Variants in SNX29 observed in about 807,000 individuals in gnomAD.
The protein encoded by SNX29 is sorting nexin 29, also known as sorting nexin-29.
In SNX29, 78 loss-of-function variants were observed where a neutral mutation model predicts 102.1. The ratio of observed to expected loss-of-function variants is 0.76; its 90% CI spans 0.64 to 0.92. The LOEUF (loss-of-function observed/expected upper bound fraction) is 0.92, where lower values mean the gene tolerates loss of function less well. Ranked by LOEUF, SNX29 falls within the 40% of genes least tolerant of loss-of-function variation. The pLI is 0.00. For missense variants in SNX29, 1,280 were observed against 1,061.7 expected (o/e 1.21, Z -2.86); for synonymous variants, 580 against 414.5 (o/e 1.40, Z -4.85).
chr16:12,212,847 C>T (rs2077223174), intron 14 of SNX29, among the ~76,000 whole-genome samples: 1 of 152,210 alleles, frequency 6.6e-6, no homozygotes, highest in Non-Finnish European at 1.5e-5. Flanking sequence ...GGCGCTGTGG[C>T]TCATGCCGGT....
chr16:11,997,376 G>A lies in SNX29; in HGVS notation c.8-1921G>A, dbSNP rs150369989. The stretch of plus-strand genomic sequence containing the variant: ...CAGAGAGGCCCTCAGTGGCTGCCTT[G>A]GCTAAAGCAGCCTTCTTGCTTCCTC... On this transcript the variant is annotated intron_variant, in intron 1 of 20. Transcript: ENST00000566228. Among the ~76,000 whole-genome samples, 1,203 of 152,218 alleles carry A rather than the reference G, an allele frequency of 7.9e-3. 10 individuals are homozygous for A. Among genetic ancestry groups the A allele is most frequent in the Non-Finnish European group, 0.012 (801 of 68,002 alleles).
intron 18 of SNX29, among the ~76,000 whole-genome samples, chr16:12,435,955 C>A (rs1348025719): frequency 1.3e-5 from 2 of 152,174 alleles, no homozygotes; most frequent in Non-Finnish European, 2.9e-5. Context: ...ACGTGCCGCG[C>A]GTTACTTCCC....
At chr16:12,527,293 C>T (rs1040998651) in intron 20 of SNX29, 3 of 531,858 alleles carry the variant, frequency 5.6e-6, no homozygotes, top group African/African-American at 3.7e-5. Flanking sequence ...CCATGTGCTG[C>T]CCACAGAAAG....
intron 3 of SNX29, among the ~76,000 whole-genome samples, chr16:12,007,053 T>A (rs2056478972): frequency 6.7e-6 from 1 of 148,682 alleles, no homozygotes; most frequent in Admixed American, 6.6e-5. Context: ...ACTAAATGGT[T>A]TTTGAGGCTG....
At chr16:12,537,747 C>G (rs191950081) in intron 20 of SNX29, among the ~76,000 whole-genome samples, 44 of 152,176 alleles carry the variant, frequency 2.9e-4, no homozygotes, top group Non-Finnish European at 5.4e-4. Context: ...ACAATGACCT[C>G]TATCCTATGT....
At chr16:12,546,604 G>C (rs923219092) in intron 20 of SNX29, 2 of 152,224 alleles carry the variant, frequency 1.3e-5, no homozygotes, top group South Asian at 2.1e-4. Context: ...TAATACAGGT[G>C]GAACATAAAT....
At chr16:12,277,236 A>G (rs1346235666) in intron 14 of SNX29, among the ~76,000 whole-genome samples, 3 of 152,142 alleles carry the variant, frequency 2.0e-5, no homozygotes, top group African/African-American at 7.2e-5. Context: ...AAAACTAAAA[A>G]AACAAAAAAA....
chr16:12,441,379 C>T (rs913112489), intron 18 of SNX29, among the ~76,000 whole-genome samples: 16 of 152,138 alleles, frequency 1.1e-4, no homozygotes, highest in Non-Finnish European at 1.6e-4. Flanking sequence ...TGAGCCACCA[C>T]GCCTGGCCTA....
At chr16:11,994,585 T>C (rs1486002571) in intron 1 of SNX29, among the ~76,000 whole-genome samples, 1 of 152,232 alleles carries the variant, frequency 6.6e-6, no homozygotes, top group Non-Finnish European at 1.5e-5. Flanking sequence ...TCTTTTCCTC[T>C]CTGAGTCACA....
At chr16:12,055,131 G>A (rs905120783) in intron 8 of SNX29, among the ~76,000 whole-genome samples, 3 of 152,044 alleles carry the variant, frequency 2.0e-5, no homozygotes, top group Non-Finnish European at 4.4e-5. Context: ...GTGTGTGGAT[G>A]TGTGTAGTTC....
chr16:12,084,169 G>T (rs1390507342), intron 11 of SNX29, among the ~76,000 whole-genome samples: 1 of 151,344 alleles, frequency 6.6e-6, no homozygotes, highest in Non-Finnish European at 1.5e-5. Context: ...TTTTGAGACG[G>T]AGTGTTGCTC....
At chr16:12,423,369 G>C (rs967473738) in intron 18 of SNX29, among the ~76,000 whole-genome samples, 1 of 152,060 alleles carries the variant, frequency 6.6e-6, no homozygotes, top group African/African-American at 2.4e-5. Context: ...TGAACATCGG[G>C]CATGAGCAAT....
chr16:12,147,018 G>A (rs755890618), intron 13 of SNX29, among the ~76,000 whole-genome samples: 2 of 152,220 alleles, frequency 1.3e-5, no homozygotes, highest in Non-Finnish European at 2.9e-5. Flanking sequence ...CCATGTGCTT[G>A]TTTATTTTCT....
At chr16:12,326,210 C>A (rs1213692810) in intron 15 of SNX29, among the ~76,000 whole-genome samples, 2 of 151,916 alleles carry the variant, frequency 1.3e-5, no homozygotes, top group African/African-American at 4.8e-5. Flanking sequence ...TGGGGTTTCG[C>A]CATGTTGGCC....
At chr16:12,137,419 C>A (rs1233244253) in intron 13 of SNX29, among the ~76,000 whole-genome samples, 1 of 152,194 alleles carries the variant, frequency 6.6e-6, no homozygotes, top group African/African-American at 2.4e-5. Flanking sequence ...TGTTATTTTT[C>A]CAGCCCTGCC....
At chr16:12,301,348 G>C (rs751532401) in intron 15 of SNX29, among the ~76,000 whole-genome samples, 13 of 152,082 alleles carry the variant, frequency 8.5e-5, no homozygotes, top group Non-Finnish European at 1.8e-4. Context: ...CACACTCCTC[G>C]TTCTACTCTC....
chr16:12,568,256 G>C (rs974068185), intron 20 of SNX29, among the ~76,000 whole-genome samples: 2 of 150,030 alleles, frequency 1.3e-5, no homozygotes, highest in East Asian at 4.0e-4. Flanking sequence ...GGTACCATGA[G>C]CTAGCTCAGA....
chr16:12,457,694 G>A (rs6498301), intron 18 of SNX29, among the ~76,000 whole-genome samples: 105,825 of 152,136 alleles, frequency 0.7, 38,036 homozygotes, highest in African/African-American at 0.89. Context: ...GTTAGCCTCT[G>A]CCGTGGTGCT....
chr16:12,477,934 C>T (rs961210155), intron 19 of SNX29, 75 bp downstream of exon 19: 17 of 1,461,218 alleles, frequency 1.2e-5, no homozygotes, highest in Middle Eastern at 1.8e-4. Context: ...TTCTTTAGTC[C>T]GTTGCTTAAA....
Sources: allele counts gnomAD v4.1 joint callset (sites outside exome capture counted in the v4.1 genomes callset), GRCh38; gene constraint gnomAD v4.1.1; transcripts MANE v1.5; gene names NCBI Gene and HGNC (gene_info 2026-07-23, HGNC 2026-07-21).